CNTN5: variants seen among roughly 807,000 people sequenced by gnomAD.
The protein encoded by CNTN5 is contactin-5.
CNTN5 carries 77 observed loss-of-function variants against 129.1 expected under a neutral mutation model. The observed-to-expected ratio is 0.60, with a 90% CI of 0.50 to 0.72. The LOEUF is 0.72. Among genes scored for constraint, CNTN5 ranks in the 30% least tolerant of loss-of-function variants. The pLI, the probability that CNTN5 is intolerant of heterozygous loss-of-function variation, is 0.00. For missense variants in CNTN5, 1,478 were observed against 1,328.8 expected, an observed-to-expected ratio of 1.11 and a Z score of -1.75; for synonymous variants, 509 against 465.6, an observed-to-expected ratio of 1.09 and a Z score of -1.20.
At chr11:99,857,876 A>G (rs1948088344) in intron 6 of CNTN5, among the ~76,000 whole-genome samples, 1 of 152,102 alleles carries the variant, frequency 6.6e-6, no homozygotes, top group African/African-American at 2.4e-5. Flanking sequence ...TCCGTTTCAT[A>G]GTGTCATTGG....
At chr11:99,823,863 G>A (rs1383197057) in intron 4 of CNTN5, among the ~76,000 whole-genome samples, 1 of 151,958 alleles carries the variant, frequency 6.6e-6, no homozygotes, top group African/African-American at 2.4e-5. Context: ...ATTTCTATAT[G>A]TGTGAAGCCT....
chr11:99,067,512 G>T (rs1159839925), intron 1 of CNTN5, among the ~76,000 whole-genome samples: 2 of 151,804 alleles, frequency 1.3e-5, no homozygotes, highest in Non-Finnish European at 2.9e-5. Context: ...TGAAATGCAA[G>T]AATATATGTG....
At chr11:99,793,447 T>A (rs576809524) in intron 3 of CNTN5, among the ~76,000 whole-genome samples, 4 of 152,258 alleles carry the variant, frequency 2.6e-5, no homozygotes, top group Non-Finnish European at 5.9e-5. Context: ...TCATTTCAGC[T>A]CTGATTTTAT....
At chr11:100,202,064 A>G (rs1948792631) in intron 15 of CNTN5, among the ~76,000 whole-genome samples, 1 of 152,004 alleles carries the variant, frequency 6.6e-6, no homozygotes, top group Non-Finnish European at 1.5e-5. Flanking sequence ...ACTTCCCTCA[A>G]ATACGCTATG....
intron 13 of CNTN5, among the ~76,000 whole-genome samples, chr11:100,162,408 A>G (rs1487724521): frequency 6.6e-6 from 1 of 151,970 alleles, no homozygotes; most frequent in East Asian, 1.9e-4. Flanking sequence ...GTATTTGAGA[A>G]TAACAAATTA....
intron 9 of CNTN5, among the ~76,000 whole-genome samples, chr11:100,058,730 A>T (rs1943341365): frequency 6.6e-6 from 1 of 151,282 alleles, no homozygotes; most frequent in Non-Finnish European, 1.5e-5. Flanking sequence ...TATAATGGAG[A>T]ACATTGCTAT....
At chr11:99,563,567 A>G (rs1948909900) in intron 3 of CNTN5, among the ~76,000 whole-genome samples, 1 of 152,216 alleles carries the variant, frequency 6.6e-6, no homozygotes, top group Non-Finnish European at 1.5e-5. Context: ...TTAAAATAAA[A>G]TAGCATGTAT....
intron 1 of CNTN5, among the ~76,000 whole-genome samples, chr11:99,079,989 G>C (rs1212758988): frequency 6.6e-6 from 1 of 152,168 alleles, no homozygotes; most frequent in Non-Finnish European, 1.5e-5. Context: ...CAGGAACAGA[G>C]TACTGTTATG....
At chr11:99,634,879 T>C (rs599609) in intron 3 of CNTN5, among the ~76,000 whole-genome samples, 91,712 of 152,056 alleles carry the variant, frequency 0.6, 28,500 homozygotes, top group Admixed American at 0.69. Flanking sequence ...ATAGCACCTG[T>C]TTGTTCCACC....
intron 1 of CNTN5, among the ~76,000 whole-genome samples, chr11:99,047,664 A>G (rs1864267829): frequency 6.6e-6 from 1 of 152,092 alleles, no homozygotes; most frequent in Admixed American, 6.5e-5. Context: ...CAACTGGTCT[A>G]CTTTTCAGTA....
intron 9 of CNTN5, among the ~76,000 whole-genome samples, chr11:100,050,454 A>G (rs1189856228): frequency 1.3e-5 from 2 of 151,626 alleles, no homozygotes; most frequent in African/African-American, 2.4e-5. Flanking sequence ...GAAGGGGAAC[A>G]TCACACTCTG....
intron 1 of CNTN5, among the ~76,000 whole-genome samples, chr11:99,189,485 A>G (rs777165578): frequency 2.6e-5 from 4 of 151,594 alleles, no homozygotes; most frequent in Non-Finnish European, 5.9e-5. Context: ...TGACTGTTCT[A>G]ATTTAAATTC....
intron 3 of CNTN5, among the ~76,000 whole-genome samples, chr11:99,639,634 G>A (rs182363035): frequency 9.6e-5 from 12 of 125,366 alleles, no homozygotes; most frequent in African/African-American, 2.7e-4. Context: ...GTGCAATCTC[G>A]GCTCACTGAG....
intron 18 of CNTN5, among the ~76,000 whole-genome samples, chr11:100,283,080 C>T (rs1039835915): frequency 6.6e-6 from 1 of 151,944 alleles, no homozygotes; most frequent in Non-Finnish European, 1.5e-5. Context: ...TTCTCTACAC[C>T]TCTGTGGCTG....
At chr11:100,156,948 T>G (rs922929732) in intron 13 of CNTN5, among the ~76,000 whole-genome samples, 5 of 152,032 alleles carry the variant, frequency 3.3e-5, no homozygotes, top group Non-Finnish European at 1.5e-5. Flanking sequence ...AGCTCCTGGA[T>G]TCACAGATTT....
At chr11:99,467,749 A>G (rs111415497) in intron 2 of CNTN5, among the ~76,000 whole-genome samples, 1,842 of 152,172 alleles carry the variant, frequency 0.012, 39 homozygotes, top group African/African-American at 0.042. Flanking sequence ...CTCAATAGTC[A>G]CCAGTTTATA....
chr11:99,687,468 C>T (rs1228337130), intron 3 of CNTN5, among the ~76,000 whole-genome samples: 1 of 152,136 alleles, frequency 6.6e-6, no homozygotes, highest in African/African-American at 2.4e-5. Context: ...TAATTTGCTA[C>T]TTACCCAACT....
intron 13 of CNTN5, among the ~76,000 whole-genome samples, chr11:100,171,907 G>C (rs540816522): frequency 9.6e-4 from 146 of 152,068 alleles, no homozygotes; most frequent in Non-Finnish European, 3.7e-4. Context: ...TTTATATCTA[G>C]CTATAAATAG....
chr11:99,210,212 A>G (rs942778326), intron 1 of CNTN5, among the ~76,000 whole-genome samples: 2 of 152,190 alleles, frequency 1.3e-5, no homozygotes, highest in African/African-American at 4.8e-5. Flanking sequence ...AAAATTTTCC[A>G]TATTAATTTA....
Sources: allele counts gnomAD v4.1 joint callset (sites outside exome capture counted in the v4.1 genomes callset), GRCh38; gene constraint gnomAD v4.1.1; transcripts MANE v1.5; gene names NCBI Gene and HGNC (gene_info 2026-07-23, HGNC 2026-07-21).